Variants in FBXL17 observed in about 807,000 individuals in gnomAD.
FBXL17 encodes the protein F-box and leucine rich repeat protein 17.
A neutral mutation model predicts 66.2 loss-of-function variants in FBXL17; 22 were observed. The ratio of observed to expected loss-of-function variants is 0.33; its 90% CI spans 0.24 to 0.47. FBXL17 has a LOEUF of 0.47. Ranked by LOEUF, FBXL17 falls within the 20% of genes least tolerant of loss-of-function variation. The pLI is 1.00. For missense variants in FBXL17, 878 were observed against 948.2 expected, an observed-to-expected ratio of 0.93 and a Z score of 0.97; for synonymous variants, 474 against 400.5, an observed-to-expected ratio of 1.18 and a Z score of -2.19.
chr5:108,033,660 A>G (rs1480014642), intron 6 of FBXL17, among the ~76,000 whole-genome samples: 3 of 152,216 alleles, frequency 2.0e-5, no homozygotes, highest in Non-Finnish European at 4.4e-5. Flanking sequence ...TAGGTGCGCA[A>G]TTAGTTTTAT....
In FBXL17 at chr5:108,278,489, C is replaced by T. The variant is rs551799024; in HGVS notation, c.1507-54261G>A. On this transcript the variant is annotated intron_variant, in intron 4 of 8. Coordinates refer to ENST00000542267, the MANE Select transcript of FBXL17 (RefSeq NM_001163315.3). ...AAAGTGTAACATGGGCTGCAGCCCC[C>T]AGTGCTAGAAGCAGGCACTGTCTCT... is the stretch of plus-strand genomic sequence containing the variant. Among the ~76,000 whole-genome samples the T allele has an allele frequency of 4.6e-5, 7 of 152,294 alleles. No homozygotes were observed. In the East Asian group the frequency reaches 1.4e-3, roughly 29 times the overall value.
At chr5:107,995,481 T>C (rs1266342742) in intron 7 of FBXL17, among the ~76,000 whole-genome samples, 1 of 152,162 alleles carries the variant, frequency 6.6e-6, no homozygotes, top group Admixed American at 6.5e-5. Context: ...ACAGTCTTCA[T>C]TAATTCTAGT....
At chr5:107,968,341 C>CA (rs1009191099) in intron 7 of FBXL17, among the ~76,000 whole-genome samples, 2 of 151,638 alleles carry the variant, frequency 1.3e-5, no homozygotes, top group Non-Finnish European at 2.9e-5. Context: ...CCTGAAAATT[C>CA]AAAAAAAGAA....
chr5:108,074,443 T>A (rs977844029), intron 6 of FBXL17, among the ~76,000 whole-genome samples: 1 of 152,158 alleles, frequency 6.6e-6, no homozygotes, highest in African/African-American at 2.4e-5. Flanking sequence ...TTTTTTTATT[T>A]TTTTAGGTGC....
chr5:108,001,028 GCACTTATTA>G (rs1328770674), intron 7 of FBXL17, among the ~76,000 whole-genome samples: 2 of 152,084 alleles, frequency 1.3e-5, no homozygotes, highest in African/African-American at 4.8e-5. Context: ...AAATAGCTGT[GCACTTATTA>G]AAATGATCTG....
intron 7 of FBXL17, among the ~76,000 whole-genome samples, chr5:107,942,783 A>G (rs1208697846): frequency 2.0e-5 from 3 of 151,990 alleles, no homozygotes; most frequent in African/African-American, 7.3e-5. Context: ...AAAAGAAAAA[A>G]AAAAAAAAAC....
chr5:108,059,942 C>T (rs1045221915), intron 6 of FBXL17, among the ~76,000 whole-genome samples: 1 of 151,022 alleles, frequency 6.6e-6, no homozygotes, highest in African/African-American at 2.4e-5. Flanking sequence ...TATATATACA[C>T]TTTCAGCATA....
intron 4 of FBXL17, chr5:108,299,595 A>C: frequency 1.0e-6 from 1 of 974,330 alleles, no homozygotes; most frequent in Non-Finnish European, 1.2e-6. Flanking sequence ...TTACTTTCCA[A>C]TAAATTGCTA....
chr5:108,007,701 A>T, intron 7 of FBXL17, among the ~76,000 whole-genome samples: 1 of 152,216 alleles, frequency 6.6e-6, no homozygotes, highest in Non-Finnish European at 1.5e-5. Context: ...AACAATATTT[A>T]AAAAGTATAT....
intron 4 of FBXL17, among the ~76,000 whole-genome samples, chr5:108,242,349 T>TTG (rs1755892775): frequency 1.4e-5 from 2 of 146,810 alleles, no homozygotes; most frequent in South Asian, 2.2e-4. Flanking sequence ...GCCTGGCTAG[T>TTG]TTGTTGTTGT....
chr5:107,926,809 T>C (rs973873505), intron 7 of FBXL17, among the ~76,000 whole-genome samples: 1 of 152,150 alleles, frequency 6.6e-6, no homozygotes, highest in Admixed American at 6.6e-5. Context: ...CAGTTACTAA[T>C]GCACATTTTG....
intron 6 of FBXL17, among the ~76,000 whole-genome samples, chr5:108,033,805 T>G (rs555473112): frequency 6.6e-6 from 1 of 152,162 alleles, no homozygotes; most frequent in Non-Finnish European, 1.5e-5. Context: ...TCTGATGAGT[T>G]CGTAAAGACG....
intron 4 of FBXL17, among the ~76,000 whole-genome samples, chr5:108,293,512 CAT>C (rs1015845923): frequency 1.2e-4 from 18 of 152,208 alleles, no homozygotes; most frequent in African/African-American, 4.1e-4. Flanking sequence ...TTTAGGGGAT[CAT>C]ATACAATTTC....
intron 6 of FBXL17, among the ~76,000 whole-genome samples, chr5:108,128,372 G>T (rs1750801964): frequency 6.6e-6 from 1 of 152,000 alleles, no homozygotes; most frequent in Admixed American, 6.6e-5. Context: ...CTCATTTGAG[G>T]TATCATTTTC....
chr5:108,134,704 A>G (rs1751068726), intron 6 of FBXL17, among the ~76,000 whole-genome samples: 2 of 152,264 alleles, frequency 1.3e-5, no homozygotes, highest in South Asian at 4.1e-4. Flanking sequence ...TGAAAACCAT[A>G]TGTATGTGTA....
chr5:108,213,364 A>T (rs980774410), intron 5 of FBXL17, among the ~76,000 whole-genome samples: 1 of 152,314 alleles, frequency 6.6e-6, no homozygotes, highest in African/African-American at 2.4e-5. Context: ...TCCTGCAGTT[A>T]GTTCGGTGTC....
intron 8 of FBXL17, chr5:107,878,238 T>G: frequency 1.0e-6 from 1 of 965,086 alleles, no homozygotes; most frequent in Non-Finnish European, 1.2e-6. Context: ...TGAATTTATT[T>G]TTTTCCTTTC....
chr5:108,010,055 A>G (rs765875296), intron 7 of FBXL17, among the ~76,000 whole-genome samples: 10 of 152,148 alleles, frequency 6.6e-5, no homozygotes, highest in Non-Finnish European at 1.3e-4. Flanking sequence ...CTAGACCAGT[A>G]TTTTTCAAAC....
At chr5:108,060,457 T>C (rs1340865671) in intron 6 of FBXL17, among the ~76,000 whole-genome samples, 1 of 152,162 alleles carries the variant, frequency 6.6e-6, no homozygotes, top group Non-Finnish European at 1.5e-5. Context: ...ATAGCACTTT[T>C]TGATATATTT....
Sources: allele counts gnomAD v4.1 joint callset (sites outside exome capture counted in the v4.1 genomes callset), GRCh38; gene constraint gnomAD v4.1.1; transcripts MANE v1.5; gene names NCBI Gene and HGNC (gene_info 2026-07-23, HGNC 2026-07-21).